The following TESK2 variants were observed in gnomAD, a reference collection of about 807,000 sequenced individuals.
TESK2 encodes dual specificity testis-specific protein kinase 2.
Under a neutral mutation model 57.1 loss-of-function variants are expected in TESK2, and 39 were observed. The ratio of observed to expected loss-of-function variants is 0.68; its 90% CI spans 0.53 to 0.89. The LOEUF (loss-of-function observed/expected upper bound fraction) is 0.89. Among genes scored for constraint, TESK2 ranks in the 40% least tolerant of loss-of-function variants. The pLI is 0.00. For synonymous variants in TESK2, 249 were observed against 267.9 expected, an observed-to-expected ratio of 0.93 and a Z score of 0.69; for missense variants, 646 against 732.1, an observed-to-expected ratio of 0.88 and a Z score of 1.36.
intron 1 of TESK2, among the ~76,000 whole-genome samples, chr1:45,488,375 C>T (rs1206177930): frequency 1.3e-5 from 2 of 152,224 alleles, no homozygotes; most frequent in Non-Finnish European, 2.9e-5. Flanking sequence ...ATCTGTTAAA[C>T]TCCCTCACTT....
In TESK2 at chr1:45,421,851, A is replaced by AAT. The variant is rs1557566572; in HGVS notation, c.223-7_223-6dup. 1 of 1,613,828 alleles carries AAT rather than the reference A, an allele frequency of 6.2e-7. No homozygotes were observed. The highest frequency in any genetic ancestry group is 8.5e-7 in the Non-Finnish European group (1 of 1,179,946). Reference sequence around the variant, plus strand: ...ACCAGAAGCTCGGTGTCGTACCTAGAATATTAAATAGAACAAGAAAAGAGG... The same window carrying AAT: ...ACCAGAAGCTCGGTGTCGTACCTAGAATATATTAAATAGAACAAGAAAAGAGG... On this transcript the variant is annotated splice_polypyrimidine_tract_variant and splice_region_variant and intron_variant, in intron 2 of 10. Transcript: ENST00000372086.
At chr1:45,404,631 C>G (rs1234974550) in intron 3 of TESK2, among the ~76,000 whole-genome samples, 1 of 151,352 alleles carries the variant, frequency 6.6e-6, no homozygotes, top group Non-Finnish European at 1.5e-5. Context: ...GCAACCTCCA[C>G]CTCCTGGGTT....
intron 3 of TESK2, among the ~76,000 whole-genome samples, chr1:45,391,953 C>A (rs1649161117): frequency 6.6e-6 from 1 of 152,172 alleles, no homozygotes; most frequent in Non-Finnish European, 1.5e-5. Context: ...TTACCTAACC[C>A]ATATGGTTAT....
At chr1:45,479,813 C>CTTTTTTTTTTTTTTTTTTTTT (rs35869444) in intron 1 of TESK2, among the ~76,000 whole-genome samples, 1 of 68,532 alleles carries the variant, frequency 1.5e-5, no homozygotes. Flanking sequence ...GAAGGCCCTT[C>CTTTTTTTTTTTTTTTTTTTTT]TTTTTTTTTT....
intron 3 of TESK2, among the ~76,000 whole-genome samples, chr1:45,395,963 T>C (rs1649339065): frequency 6.6e-6 from 1 of 152,086 alleles, no homozygotes; most frequent in African/African-American, 2.4e-5. Flanking sequence ...GCTGGGTAAA[T>C]TATGGTTTGT....
chr1:45,344,642 G>A lies in TESK2; in HGVS notation c.*198C>T. 1.7e-6 allele frequency: 1 copy of A among 584,416 alleles called. No homozygotes were observed. Among genetic ancestry groups the A allele is most frequent in the South Asian group, 2.1e-5 (1 of 46,788 alleles). 36.2% of individuals were successfully genotyped at this position (584,416 alleles called of 1,614,324 possible). Reference sequence around the variant, plus strand: ...TTCAGAGGCTTGGTATCAGCTGTTGGCCCTAACTAGGAAGGCCTCTCACTG... The same window carrying A: ...TTCAGAGGCTTGGTATCAGCTGTTGACCCTAACTAGGAAGGCCTCTCACTG... On this transcript the variant is annotated 3_prime_UTR_variant, in exon 11 of 11. Transcript: ENST00000372086.
chr1:45,428,425 T>C (rs1650789223), intron 2 of TESK2, among the ~76,000 whole-genome samples: 1 of 152,194 alleles, frequency 6.6e-6, no homozygotes, highest in South Asian at 2.1e-4. Context: ...CATGATCTTG[T>C]ATGTATCTCA....
intron 5 of TESK2, among the ~76,000 whole-genome samples, chr1:45,349,683 A>G (rs1647205074): frequency 6.6e-6 from 1 of 152,208 alleles, no homozygotes; most frequent in African/African-American, 2.4e-5. Context: ...CACACCTATT[A>G]TATCACACTG....
intron 1 of TESK2, among the ~76,000 whole-genome samples, chr1:45,468,761 G>A (rs538566421): frequency 6.6e-6 from 1 of 152,298 alleles, no homozygotes; most frequent in South Asian, 2.1e-4. Flanking sequence ...TGATGGGGGT[G>A]TGGGATGAGC....
intron 4 of TESK2, among the ~76,000 whole-genome samples, chr1:45,384,278 T>TTTCA (rs1301366843): frequency 6.6e-6 from 1 of 152,184 alleles, no homozygotes; most frequent in Non-Finnish European, 1.5e-5. Flanking sequence ...CTCCCCAGAC[T>TTTCA]TTCATTCATT....
chr1:45,485,190 G>GTTT (rs780419936), intron 1 of TESK2, among the ~76,000 whole-genome samples: 7 of 141,294 alleles, frequency 5.0e-5, no homozygotes, highest in Non-Finnish European at 4.8e-5. Flanking sequence ...TTTGTTTTTT[G>GTTT]TTTTTTGTTT....
In TESK2 at chr1:45,346,002, T is replaced by C. The variant is rs1259249168; in HGVS notation, c.880-8A>G. 6 of 1,600,706 alleles carry C rather than the reference T, an allele frequency of 3.7e-6. No individual in the cohort carries two copies. Among genetic ancestry groups the C allele is most frequent in the Non-Finnish European group, 5.1e-6 (6 of 1,167,886 alleles). On this transcript the variant is annotated splice_polypyrimidine_tract_variant and splice_region_variant and intron_variant, in intron 9 of 10. Transcript: ENST00000372086. Reference sequence around the variant, plus strand: ...GCGCAGTTTGGGATCCATCTGTAGGTATCCACAACAGCCATGAGCTCTGCC... The same window carrying C: ...GCGCAGTTTGGGATCCATCTGTAGGCATCCACAACAGCCATGAGCTCTGCC...
chr1:45,452,237 T>C (rs1570745581), intron 2 of TESK2, among the ~76,000 whole-genome samples: 1 of 152,186 alleles, frequency 6.6e-6, no homozygotes, highest in Admixed American at 6.5e-5. Context: ...TCTTCCTAGA[T>C]GTTTATTGAT....
chr1:45,399,137 G>A (rs543699426), intron 3 of TESK2, among the ~76,000 whole-genome samples: 7 of 133,872 alleles, frequency 5.2e-5, no homozygotes, highest in Non-Finnish European at 1.1e-4. Context: ...AATAAAAGTT[G>A]AAATTTTTTT....
Position 45,484,452 on chromosome 1 carries a change from G to A in TESK2, c.-87+6400C>T, listed in dbSNP as rs1336404308. Among the ~76,000 whole-genome samples the A allele has an allele frequency of 2.0e-5, 3 of 151,856 alleles. No homozygotes were observed. The East Asian group carries it at 5.9e-4, about 30-fold the overall frequency. On this transcript the variant is annotated intron_variant, in intron 1 of 10. Transcript: ENST00000372086. ...GCATTCGCCTAAAGAAAGTCTAAAA[G>A]AGGCCGAACGCGGTGGCTCATGCCT... is the stretch of plus-strand genomic sequence containing the variant.
At chr1:45,407,035 T>A (rs1260050531) in intron 3 of TESK2, among the ~76,000 whole-genome samples, 4 of 152,162 alleles carry the variant, frequency 2.6e-5, no homozygotes, top group Non-Finnish European at 5.9e-5. Context: ...TAATTTGGGG[T>A]AAAATTGACA....
intron 1 of TESK2, among the ~76,000 whole-genome samples, chr1:45,478,684 A>T (rs1253092751): frequency 1.3e-5 from 2 of 152,050 alleles, no homozygotes; most frequent in Non-Finnish European, 2.9e-5. Context: ...AATAATTCTG[A>T]GAGGATACAG....
At chr1:45,362,997 G>A (rs1350049402) in intron 4 of TESK2, among the ~76,000 whole-genome samples, 4 of 152,140 alleles carry the variant, frequency 2.6e-5, no homozygotes, top group Non-Finnish European at 1.5e-5. Flanking sequence ...GCTGGGAGAA[G>A]AGTTAGGATA....
At position 45,347,042 on chromosome 1, in the gene TESK2, A is replaced by C; in HGVS notation, c.729T>G (p.Gly243=). 6.2e-7 allele frequency: 1 copy of C among 1,614,180 alleles called. No homozygotes were observed. Among genetic ancestry groups the C allele is most frequent in the Non-Finnish European group, 8.5e-7 (1 of 1,180,034 alleles). ...YNEKADVFSY[G]IILCEIIARI... The stretch of plus-strand genomic sequence containing the variant: ...GGGCGATGATCTCGCAGAGGATGAT[A>C]CCATAAGAGAACACATCTGCCTGGT... The change falls in exon 8 of 11, where the codon GGT becomes GGG. Residue 243 remains glycine (G), a synonymous_variant. Transcript: ENST00000372086.
Sources: allele counts gnomAD v4.1 joint callset (sites outside exome capture counted in the v4.1 genomes callset), GRCh38; gene constraint gnomAD v4.1.1; transcripts MANE v1.5; gene names NCBI Gene and HGNC (gene_info 2026-07-23, HGNC 2026-07-21).